BTBD7: variants seen among roughly 807,000 people sequenced by gnomAD.
BTBD7 encodes BTB/POZ domain-containing protein 7.
Under a neutral mutation model 99.9 loss-of-function variants are expected in BTBD7, and 38 were observed. The observed-to-expected ratio is 0.38, with a 90% CI of 0.29 to 0.50. BTBD7 has a LOEUF of 0.50. BTBD7 is among the 20% of genes least tolerant of loss of function. The pLI, the probability that BTBD7 is intolerant of heterozygous loss-of-function variation, is 0.93. For synonymous variants in BTBD7, 520 were observed against 511.4 expected, an observed-to-expected ratio of 1.02 and a Z score of -0.23; for missense variants, 1,170 against 1,394.6, an observed-to-expected ratio of 0.84 and a Z score of 2.57.
intron 6 of BTBD7, among the ~76,000 whole-genome samples, chr14:93,253,995 T>C (rs2052400921): frequency 6.6e-6 from 1 of 151,896 alleles, no homozygotes; most frequent in Non-Finnish European, 1.5e-5. Context: ...TGGAGTGCAG[T>C]GGCGTGATCT....
In BTBD7 at chr14:93,240,154, C is replaced by G. The variant is rs1320838023; in HGVS notation, c.*2119G>C. On this transcript the variant is annotated 3_prime_UTR_variant, in exon 11 of 11. Transcript: ENST00000334746. ...AAGGAGCCTCGAATGCGATGCACAG[C>G]CGACCTGCAGATTAGTGTTAACTCT... The G allele has an allele frequency of 6.6e-6, 1 of 152,522 alleles. No homozygotes were observed. Among genetic ancestry groups the G allele is most frequent in the Non-Finnish European group, 1.5e-5 (1 of 68,048 alleles). The allele number at this position is 152,522 out of a possible 1,614,324, so 9.4% of individuals were successfully genotyped here.
At chr14:93,293,489 A>G (rs897611451) in intron 3 of BTBD7, among the ~76,000 whole-genome samples, 2 of 152,222 alleles carry the variant, frequency 1.3e-5, no homozygotes, top group African/African-American at 2.4e-5. Flanking sequence ...TTAAACATCA[A>G]CAAGGTACTG....
chr14:93,285,088 C>T (rs889948126), intron 3 of BTBD7, among the ~76,000 whole-genome samples: 3 of 152,102 alleles, frequency 2.0e-5, no homozygotes, highest in Admixed American at 6.6e-5. Context: ...CTAGGAAGTA[C>T]ATTCAAATTT....
Position 93,251,484 on chromosome 14 carries a change from C to A in BTBD7, c.1921G>T (p.Val641Phe), listed in dbSNP as rs1353183523. ...ISSNQSSPPSVVANEIPVPRL... is the reference protein window; with the variant it reads ...ISSNQSSPPSFVANEIPVPRL... ...TTACCTGGAATTTCGTTGGCTACAA[C>A]TGAAGGAGGGCTTGACTGGTTGCTG... The change falls in exon 8 of 11, where the codon GTT (valine) becomes TTT (phenylalanine). Residue 641 changes from valine to phenylalanine, a missense_variant. Transcript: ENST00000334746. 4 of 1,601,784 alleles carry A rather than the reference C, an allele frequency of 2.5e-6. No individual in the cohort carries two copies. The South Asian group carries it at 4.5e-5, about 18-fold the overall frequency.
chr14:93,309,399 T>C (rs1443271500), intron 1 of BTBD7, among the ~76,000 whole-genome samples: 1 of 127,858 alleles, frequency 7.8e-6, no homozygotes, highest in Admixed American at 8.4e-5. Context: ...AAAACTCCTC[T>C]GTCTCCAAGA....
intron 1 of BTBD7, among the ~76,000 whole-genome samples, chr14:93,300,740 G>T (rs867044035): frequency 2.3e-5 from 2 of 85,390 alleles, no homozygotes; most frequent in East Asian, 6.4e-4. Context: ...GTGTGTGTGT[G>T]TGTGTGTGTG....
chr14:93,312,782 C>G (rs559693407), intron 1 of BTBD7, among the ~76,000 whole-genome samples: 2 of 152,282 alleles, frequency 1.3e-5, no homozygotes, highest in East Asian at 3.9e-4. Flanking sequence ...CAGCCCACTG[C>G]CACTGGACTG....
At chr14:93,267,899 A>G (rs1009978887) in intron 3 of BTBD7, among the ~76,000 whole-genome samples, 1 of 152,124 alleles carries the variant, frequency 6.6e-6, no homozygotes, top group African/African-American at 2.4e-5. Context: ...TCCCTTTCTA[A>G]TCTGCTCTCT....
At chr14:93,326,761 G>A (rs2053338802) in intron 1 of BTBD7, among the ~76,000 whole-genome samples, 3 of 150,004 alleles carry the variant, frequency 2.0e-5, no homozygotes, top group South Asian at 4.2e-4. Context: ...CCAGGATCAC[G>A]CCATTGCGCT....
At chr14:93,325,245 C>T (rs2053316945) in intron 1 of BTBD7, among the ~76,000 whole-genome samples, 1 of 151,554 alleles carries the variant, frequency 6.6e-6, no homozygotes, top group Admixed American at 6.6e-5. Flanking sequence ...TCCCAAGTAG[C>T]TGGGATTATA....
intron 1 of BTBD7, among the ~76,000 whole-genome samples, chr14:93,311,817 A>C (rs2053141809): frequency 6.7e-6 from 1 of 150,188 alleles, no homozygotes; most frequent in Admixed American, 6.6e-5. Context: ...AAATTACTGT[A>C]TATGTAAGTC....
Position 93,332,820 on chromosome 14 carries a change from C to T in BTBD7, c.-107G>A, listed in dbSNP as rs1441803434. 1.0e-5 allele frequency: 15 copies of T among 1,477,490 alleles called. No individual in the cohort carries two copies. The highest frequency in any genetic ancestry group is 1.2e-5 in the Non-Finnish European group (14 of 1,120,526). 91.5% of individuals were successfully genotyped at this position (1,477,490 alleles called of 1,614,324 possible). ...CTCAGAGACACCAAGGGACACTCACCCCGGAGGCTCCTCCCGCCGCTGCTG... is the reference window on the plus strand; with the variant it reads ...CTCAGAGACACCAAGGGACACTCACTCCGGAGGCTCCTCCCGCCGCTGCTG... On this transcript the variant is annotated splice_region_variant and 5_prime_UTR_variant, in exon 1 of 11. Coordinates refer to ENST00000334746, the MANE Select transcript of BTBD7 (RefSeq NM_001002860.4).
intron 3 of BTBD7, among the ~76,000 whole-genome samples, chr14:93,283,647 G>T (rs1427372492): frequency 1.3e-5 from 2 of 152,162 alleles, no homozygotes; most frequent in Non-Finnish European, 2.9e-5. Flanking sequence ...CGCCTCCCTG[G>T]TTCAAGCAAT....
intron 3 of BTBD7, among the ~76,000 whole-genome samples, chr14:93,273,167 C>T (rs974321267): frequency 6.6e-6 from 1 of 152,168 alleles, no homozygotes; most frequent in Non-Finnish European, 1.5e-5. Flanking sequence ...AACCCCTGCA[C>T]ATAGTAGCAT....
chr14:93,323,556 G>C lies in BTBD7; in HGVS notation c.-107+9264C>G, dbSNP rs149388541. Among the ~76,000 whole-genome samples the C allele has an allele frequency of 9.8e-3, 1,494 of 152,300 alleles. 9 individuals are homozygous for C. Among genetic ancestry groups the C allele is most frequent in the Middle Eastern group, 0.027 (8 of 294 alleles). On this transcript the variant is annotated intron_variant, in intron 1 of 10. Transcript: ENST00000334746. ...AAAAAATATTTTAGGCAAGTCTGAA[G>C]ACAAGAATAGGTCTCATGAAGCATA...
At chr14:93,254,094 C>T (rs1395726706) in intron 6 of BTBD7, among the ~76,000 whole-genome samples, 2 of 151,956 alleles carry the variant, frequency 1.3e-5, no homozygotes, top group African/African-American at 2.4e-5. Flanking sequence ...CTCACCACCA[C>T]GCCTGGCTAA....
chr14:93,254,889 T>C (rs999786102), intron 6 of BTBD7, among the ~76,000 whole-genome samples: 1 of 152,220 alleles, frequency 6.6e-6, no homozygotes, highest in African/African-American at 2.4e-5. Flanking sequence ...AGCAGAGGTA[T>C]ATATTTCCTA....
intron 1 of BTBD7, among the ~76,000 whole-genome samples, chr14:93,303,642 C>A (rs2053032193): frequency 6.6e-6 from 1 of 152,134 alleles, no homozygotes; most frequent in Non-Finnish European, 1.5e-5. Context: ...AAGCAGAGAA[C>A]CAATTCCTGG....
At chr14:93,268,756 C>CTTTT (rs61483726) in intron 3 of BTBD7, among the ~76,000 whole-genome samples, 8 of 120,908 alleles carry the variant, frequency 6.6e-5, no homozygotes, top group South Asian at 2.7e-4. Context: ...TAACTTAGAC[C>CTTTT]TTTTTTTTTT....
Sources: allele counts gnomAD v4.1 joint callset (sites outside exome capture counted in the v4.1 genomes callset), GRCh38; gene constraint gnomAD v4.1.1; transcripts MANE v1.5; gene names NCBI Gene and HGNC (gene_info 2026-07-23, HGNC 2026-07-21).